Variants in BEST3 observed in about 807,000 individuals in gnomAD.
The protein encoded by BEST3 is bestrophin 3.
In BEST3, 50 loss-of-function variants were observed where a neutral mutation model predicts 47.1. The observed-to-expected ratio is 1.06, with a 90% CI of 0.85 to 1.34. The LOEUF is 1.34. Among genes scored for constraint, BEST3 ranks in the 40% most tolerant of loss-of-function variants. BEST3 has a pLI of 0.00. For missense variants in BEST3, 765 were observed against 817.0 expected, an observed-to-expected ratio of 0.94 and a Z score of 0.78; for synonymous variants, 282 against 298.8, an observed-to-expected ratio of 0.94 and a Z score of 0.58.
intron 9 of BEST3, among the ~76,000 whole-genome samples, chr12:69,644,234 G>A (rs776179): frequency 0.99 from 150,242 of 152,302 alleles, 74,136 homozygotes; most frequent in Middle Eastern, 1. Context: ...TCTGCTAATT[G>A]TCAGCTCTGT....
At chr12:69,696,356 A>G (rs1886133287) in intron 2 of BEST3, among the ~76,000 whole-genome samples, 2 of 152,186 alleles carry the variant, frequency 1.3e-5, no homozygotes, top group Non-Finnish European at 2.9e-5. Context: ...TTGCAACTGT[A>G]CTAAGGGCTA....
chr12:69,665,032 C>T (rs983977315), intron 9 of BEST3, among the ~76,000 whole-genome samples: 2 of 151,900 alleles, frequency 1.3e-5, no homozygotes, highest in African/African-American at 4.8e-5. Flanking sequence ...CAGTGGACAG[C>T]ACTACAGCGA....
At chr12:69,670,910 T>A (rs1884528620) in intron 9 of BEST3, among the ~76,000 whole-genome samples, 1 of 152,150 alleles carries the variant, frequency 6.6e-6, no homozygotes, top group African/African-American at 2.4e-5. Context: ...TTCACACACT[T>A]CTCCAATATC....
At chr12:69,697,910 C>G (rs955370938) in intron 1 of BEST3, 97 bp from the exon 2 acceptor site, 19 of 935,220 alleles carry the variant, frequency 2.0e-5, no homozygotes, top group Non-Finnish European at 2.8e-5. Context: ...AAGCCAGCAA[C>G]TAGTCAGCCA....
downstream of BEST3, among the ~76,000 whole-genome samples, chr12:69,649,363 C>A (rs1883140359): frequency 6.6e-6 from 1 of 152,250 alleles, no homozygotes; most frequent in Non-Finnish European, 1.5e-5. Context: ...TGGCATTTAG[C>A]TACTCTTACT....
At chr12:69,674,316 G>A (rs903393243) in intron 7 of BEST3, among the ~76,000 whole-genome samples, 10 of 152,178 alleles carry the variant, frequency 6.6e-5, no homozygotes, top group Admixed American at 3.3e-4. Flanking sequence ...AAAATCACCC[G>A]AGGAGCTCTT....
chr12:69,685,612 A>G (rs1885532972), intron 4 of BEST3, among the ~76,000 whole-genome samples: 1 of 152,184 alleles, frequency 6.6e-6, no homozygotes, highest in African/African-American at 2.4e-5. Flanking sequence ...TAGGTTGAAC[A>G]ACTGCCCTAG....
chr12:69,697,703 C>G lies in BEST3; in HGVS notation c.96G>C (p.Leu32=). 6.2e-7 allele frequency: 1 copy of G among 1,612,784 alleles called. No homozygotes were observed. Among genetic ancestry groups the G allele is most frequent in the Non-Finnish European group, 8.5e-7 (1 of 1,179,268 alleles). ...LKWRGSIYKL[L]YREFIVFAVL... is the part of the protein sequence containing the mutation. The stretch of plus-strand genomic sequence containing the variant: ...CAGCAAAAACAATAAATTCCCTGTA[C>G]AGTAGTTTGTAGATGCTGCCTCTCC... The change falls in exon 2 of 10, where the codon CTG becomes CTC. Residue 32 remains leucine, a synonymous_variant. Coordinates refer to ENST00000330891, the MANE Select transcript of BEST3 (RefSeq NM_032735.3).
chr12:69,698,989 C>T (rs1301698467), intron 1 of BEST3, among the ~76,000 whole-genome samples: 1 of 152,168 alleles, frequency 6.6e-6, no homozygotes, highest in African/African-American at 2.4e-5. Context: ...TTGCCTAGTG[C>T]GAATACAGCC....
intron 4 of BEST3, chr12:69,688,962 G>T: frequency 2.5e-6 from 1 of 399,740 alleles, no homozygotes; most frequent in Non-Finnish European, 3.4e-6. Context: ...TTGAGAACAT[G>T]TACTTTTTCT....
intron 4 of BEST3, among the ~76,000 whole-genome samples, chr12:69,690,804 T>C (rs1045512225): frequency 2.6e-5 from 4 of 152,218 alleles, no homozygotes; most frequent in African/African-American, 4.8e-5. Flanking sequence ...TAAGATAAAA[T>C]TGAGCTGTCT....
chr12:69,681,510 G>A (rs1007409518), intron 4 of BEST3, among the ~76,000 whole-genome samples: 1 of 152,088 alleles, frequency 6.6e-6, no homozygotes, highest in Non-Finnish European at 1.5e-5. Context: ...TATTTAAGAG[G>A]TAGTGTTTCA....
chr12:69,693,849 C>T lies in BEST3; in HGVS notation c.306G>A (p.Trp102Ter), dbSNP rs558643890. 8.7e-6 allele frequency: 14 copies of T among 1,613,870 alleles called. No individual in the cohort carries two copies. The South Asian group carries it at 1.2e-4, about 14-fold the overall frequency. Reference protein sequence around the residue: ...RWWNQFVNLPWPDRLMFLISS... With the variant: ...RWWNQFVNLP ...AGATGAGGAACATTAGCCTGTCTGG[C>T]CAGGGCAAATTCACAAACTGGTTCC... is the stretch of plus-strand genomic sequence containing the variant. The change falls in exon 4 of 10, where the codon TGG (tryptophan) becomes TGA (stop). Residue 102 changes from tryptophan to a stop codon, truncating the protein, a stop_gained. Coordinates refer to ENST00000330891, the MANE Select transcript of BEST3 (RefSeq NM_032735.3). LOFTEE classifies it high-confidence loss of function.
chr12:69,654,469 C>T lies in BEST3; in HGVS notation c.*438G>A, dbSNP rs1883333648. 1.0e-6 allele frequency: 1 copy of T among 987,640 alleles called. No homozygotes were observed. Among genetic ancestry groups the T allele is most frequent in the Non-Finnish European group, 1.2e-6 (1 of 831,584 alleles). The allele number at this position is 987,640 out of a possible 1,614,324, so 61.2% of individuals were successfully genotyped here. On this transcript the variant is annotated 3_prime_UTR_variant, in exon 10 of 10. Coordinates refer to ENST00000330891, the MANE Select transcript of BEST3 (RefSeq NM_032735.3). ...ATCTTTCAGGCATTAGGTGATCCATCTCCTTTCTTTATGGCTAAAGAAAAA... is the reference window on the plus strand; with the variant it reads ...ATCTTTCAGGCATTAGGTGATCCATTTCCTTTCTTTATGGCTAAAGAAAAA...
At position 69,699,185 on chromosome 12, in the gene BEST3, G is replaced by A. The variant is rs956806560; in HGVS notation, c.-16+20C>T. ...GTAGAGGTCAGAATTAAAATGCATAGGTTTACTCTGGGCACTAACCTATTT... is the reference window on the plus strand; with the variant it reads ...GTAGAGGTCAGAATTAAAATGCATAAGTTTACTCTGGGCACTAACCTATTT... On this transcript the variant is annotated intron_variant, in intron 1 of 9. Transcript: ENST00000330891. 1.0e-6 allele frequency: 1 copy of A among 980,880 alleles called. No homozygotes were observed. The highest frequency in any genetic ancestry group is 1.8e-5 in the African/African-American group (1 of 57,134). The allele number at this position is 980,880 out of a possible 1,614,324, so 60.8% of individuals were successfully genotyped here.
intron 3 of BEST3, 35 bp from the exon 4 acceptor site, chr12:69,693,942 T>C: frequency 6.7e-7 from 1 of 1,493,062 alleles, no homozygotes; most frequent in South Asian, 1.2e-5. Context: ...AGCAGTTTCT[T>C]ACAGCAGACA....
At chr12:69,647,190 T>C (rs2135893881) in intron 9 of BEST3, among the ~76,000 whole-genome samples, 1 of 152,360 alleles carries the variant, frequency 6.6e-6, no homozygotes, top group Admixed American at 6.5e-5. Flanking sequence ...AATTTGATTG[T>C]GGACTCCATC....
At position 69,653,936 on chromosome 12, in the gene BEST3, G is replaced by A. The variant is rs184886603; in HGVS notation, c.*971C>T. The A allele has an allele frequency of 9.0e-5, 89 of 985,472 alleles. No individual in the cohort carries two copies. In the East Asian group the frequency reaches 5.1e-3, roughly 57 times the overall value. The allele number at this position is 985,472 out of a possible 1,614,324, so 61.0% of individuals were successfully genotyped here. A position where few individuals can be genotyped will look rare whatever the true frequency, so the allele number is the denominator to read the frequency against. Reference sequence around the variant, plus strand: ...AGTCATCTTATTCTTTGGTTCCATAGCATTTGGCTATGCAAATTTCATATT... The same window carrying A: ...AGTCATCTTATTCTTTGGTTCCATAACATTTGGCTATGCAAATTTCATATT... On this transcript the variant is annotated 3_prime_UTR_variant, in exon 10 of 10. Transcript: ENST00000330891.
chr12:69,655,094 C>T lies in BEST3; in HGVS notation c.1820G>A (p.Ser607Asn). 6.2e-7 allele frequency: 1 copy of T among 1,614,154 alleles called. No individual in the cohort carries two copies. The highest frequency in any genetic ancestry group is 2.2e-5 in the East Asian group (1 of 44,870). Residue 607 changes from serine to asparagine, a missense_variant, in exon 10 of 10, where the codon AGT (serine) becomes AAT (asparagine). By Grantham distance (46) the Ser-to-Asn change is conservative. Transcript: ENST00000330891. ...GSSHTSLGNLSPDPMSSQPAL... is the reference protein window; with the variant it reads ...GSSHTSLGNLNPDPMSSQPAL... ...TGGCTGAGAGCTCATGGGGTCTGGA[C>T]TTAGGTTTCCCAGGGAAGTGTGGCT...
Sources: allele counts gnomAD v4.1 joint callset (sites outside exome capture counted in the v4.1 genomes callset), GRCh38; gene constraint gnomAD v4.1.1; transcripts MANE v1.5; gene names NCBI Gene and HGNC (gene_info 2026-07-23, HGNC 2026-07-21).